ZNF385D: variants seen among roughly 807,000 people sequenced by gnomAD.
ZNF385D encodes zinc finger protein 385D.
A neutral mutation model predicts 35.8 loss-of-function variants in ZNF385D; 15 were observed. The ratio of observed to expected loss-of-function variants is 0.42; its 90% CI spans 0.28 to 0.64. The LOEUF (loss-of-function observed/expected upper bound fraction) is 0.64, where lower values mean the gene tolerates loss of function less well. Ranked by LOEUF, ZNF385D falls within the 30% of genes least tolerant of loss-of-function variation. The pLI, the probability that ZNF385D is intolerant of heterozygous loss-of-function variation, is 0.23. For synonymous variants in ZNF385D, 212 were observed against 186.8 expected (o/e 1.13, Z -1.10); for missense variants, 474 against 494.6 (o/e 0.96, Z 0.39).
intron 1 of ZNF385D, among the ~76,000 whole-genome samples, chr3:21,702,679 C>T (rs67127938): frequency 0.11 from 17,004 of 152,152 alleles, 1,041 homozygotes; most frequent in East Asian, 0.19. Context: ...TTTAACAGCA[C>T]CCAAGTCACT....
At chr3:22,273,510 AC>A (rs1462476402) in intron 2 of ZNF385D, among the ~76,000 whole-genome samples, 1 of 151,998 alleles carries the variant, frequency 6.6e-6, no homozygotes, top group East Asian at 1.9e-4. Context: ...CCTTTAAGAC[AC>A]AAAACTAGCC....
At chr3:22,247,780 C>A (rs1214819196) in intron 2 of ZNF385D, among the ~76,000 whole-genome samples, 1 of 151,644 alleles carries the variant, frequency 6.6e-6, no homozygotes, top group Admixed American at 6.6e-5. Flanking sequence ...AATTTTTGTA[C>A]TTTTAGTAGA....
intron 4 of ZNF385D, among the ~76,000 whole-genome samples, chr3:21,461,746 C>A (rs1307402884): frequency 6.6e-6 from 1 of 152,210 alleles, no homozygotes; most frequent in Admixed American, 6.5e-5. Context: ...TGAAATCATA[C>A]ACTATCAACT....
intron 1 of ZNF385D, among the ~76,000 whole-genome samples, chr3:21,677,761 A>T (rs1027789011): frequency 9.2e-5 from 14 of 152,060 alleles, no homozygotes; most frequent in Non-Finnish European, 1.6e-4. Context: ...GTTCATATAT[A>T]CATAGGCTGT....
intron 3 of ZNF385D, among the ~76,000 whole-genome samples, chr3:21,856,770 G>C (rs972732884): frequency 6.6e-5 from 10 of 151,982 alleles, no homozygotes; most frequent in African/African-American, 2.4e-4. Flanking sequence ...AGACACGTGA[G>C]GAACAACCAG....
In ZNF385D at chr3:21,684,365, CCTCTCTCTCT is replaced by C. The variant is rs373105142; in HGVS notation, c.23-19347_23-19338del. 4.9e-3 allele frequency among the ~76,000 whole-genome samples: 362 copies of C among 73,328 alleles called. 5 individuals carry two copies. The highest frequency in any genetic ancestry group is 6.8e-3 in the Non-Finnish European group (263 of 38,580). 48.1% of individuals were successfully genotyped at this position (73,328 alleles called of 152,430 possible). On this transcript the variant is annotated intron_variant, in intron 1 of 7. Coordinates refer to ENST00000281523, the MANE Select transcript of ZNF385D (RefSeq NM_024697.3). The stretch of plus-strand genomic sequence containing the variant: ...AAAGCCATAAATGGTTAACTGTTCT[CCTCTCTCTCT>C]CTCTCTCTCTCTCTCTCTCTCTCTC...
chr3:21,968,202 G>T (rs1346626793), intron 3 of ZNF385D, among the ~76,000 whole-genome samples: 1 of 152,106 alleles, frequency 6.6e-6, no homozygotes, highest in African/African-American at 2.4e-5. Context: ...ATGCCACCAC[G>T]GAGGGAGCAT....
chr3:22,128,876 C>A (rs1295721752), intron 3 of ZNF385D, among the ~76,000 whole-genome samples: 4 of 152,178 alleles, frequency 2.6e-5, no homozygotes, highest in Admixed American at 2.0e-4. Flanking sequence ...TCTTGTCACT[C>A]TGAAATTGGT....
chr3:22,321,739 C>A (rs564557554), intron 2 of ZNF385D, among the ~76,000 whole-genome samples: 2 of 152,034 alleles, frequency 1.3e-5, no homozygotes, highest in Admixed American at 6.6e-5. Context: ...ATTTCAAATG[C>A]TATTTCCTAC....
At chr3:21,988,779 T>C (rs10470650) in intron 3 of ZNF385D, among the ~76,000 whole-genome samples, 19,980 of 147,302 alleles carry the variant, frequency 0.14, 1,473 homozygotes, top group Non-Finnish European at 0.17. Flanking sequence ...TCGCTGCCGC[T>C]TTGCAGTTTG....
chr3:21,501,204 C>T (rs1706334865), intron 4 of ZNF385D, among the ~76,000 whole-genome samples: 1 of 140,490 alleles, frequency 7.1e-6, no homozygotes. Context: ...CTTTGGAGAC[C>T]CACTCCCTCT....
intron 3 of ZNF385D, among the ~76,000 whole-genome samples, chr3:21,871,892 G>T (rs1332357071): frequency 1.3e-5 from 2 of 151,940 alleles, no homozygotes; most frequent in East Asian, 3.9e-4. Context: ...AGCTACTCAG[G>T]AGGCTGAGAC....
At chr3:21,856,962 T>C (rs1303114701) in intron 3 of ZNF385D, among the ~76,000 whole-genome samples, 1 of 152,124 alleles carries the variant, frequency 6.6e-6, no homozygotes, top group Admixed American at 6.6e-5. Context: ...GGAGGTAAGG[T>C]AAATAGGTAA....
chr3:21,831,581 A>G (rs1694990063), intron 3 of ZNF385D, among the ~76,000 whole-genome samples: 2 of 152,164 alleles, frequency 1.3e-5, no homozygotes, highest in Admixed American at 1.3e-4. Flanking sequence ...CATTCAATCA[A>G]TATTTACTGA....
intron 3 of ZNF385D, among the ~76,000 whole-genome samples, chr3:22,101,117 A>G (rs1182235417): frequency 6.6e-6 from 1 of 152,038 alleles, no homozygotes; most frequent in Non-Finnish European, 1.5e-5. Context: ...AATGTTCATA[A>G]TAAGGTTCTA....
At chr3:22,216,948 G>T (rs1697927381) in intron 2 of ZNF385D, among the ~76,000 whole-genome samples, 2 of 152,124 alleles carry the variant, frequency 1.3e-5, no homozygotes, top group Admixed American at 6.6e-5. Flanking sequence ...ACTGGAGAGA[G>T]AAGTGCCTGC....
intron 1 of ZNF385D, among the ~76,000 whole-genome samples, chr3:21,670,267 A>C (rs2066525034): frequency 6.6e-6 from 1 of 151,744 alleles, no homozygotes; most frequent in African/African-American, 2.4e-5. Flanking sequence ...TTTATATTAA[A>C]ATATATATGC....
Position 21,826,383 on chromosome 3 carries a change from G to A in ZNF385D, c.326-161355C>T, listed in dbSNP as rs563878113. ...AGCACAGTGGCCCTGTTCAGTGCTAGTAGCTGAACAGCCCTTATTTCACTG... is the reference window on the plus strand; with the variant it reads ...AGCACAGTGGCCCTGTTCAGTGCTAATAGCTGAACAGCCCTTATTTCACTG... On this transcript the variant is annotated intron_variant, in intron 3 of 5. Transcript: ENST00000494108. Among the ~76,000 whole-genome samples the A allele has an allele frequency of 3.3e-5, 5 of 152,292 alleles. No homozygotes were observed. The East Asian group carries it at 7.7e-4, about 24-fold the overall frequency.
At chr3:21,663,785 T>C (rs2066306172) in intron 2 of ZNF385D, among the ~76,000 whole-genome samples, 1 of 150,430 alleles carries the variant, frequency 6.6e-6, no homozygotes, top group African/African-American at 2.4e-5. Flanking sequence ...GACTAGCATA[T>C]AGCTGTACTG....
Sources: allele counts gnomAD v4.1 joint callset (sites outside exome capture counted in the v4.1 genomes callset), GRCh38; gene constraint gnomAD v4.1.1; transcripts MANE v1.5; gene names NCBI Gene and HGNC (gene_info 2026-07-23, HGNC 2026-07-21).